Variants in ARHGAP17 observed in about 807,000 individuals in gnomAD.
ARHGAP17 encodes the protein rho GTPase-activating protein 17.
In ARHGAP17, 57 loss-of-function variants were observed where a neutral mutation model predicts 99.5. The ratio of observed to expected loss-of-function variants is 0.57; its 90% CI spans 0.46 to 0.71. The LOEUF (loss-of-function observed/expected upper bound fraction) is 0.71, where lower values mean the gene tolerates loss of function less well. ARHGAP17 is among the 30% of genes least tolerant of loss of function. ARHGAP17 has a pLI of 0.00. For synonymous variants in ARHGAP17, 417 were observed against 429.6 expected (o/e 0.97, Z 0.36); for missense variants, 1,000 against 1,122.4 (o/e 0.89, Z 1.56).
intron 1 of ARHGAP17, among the ~76,000 whole-genome samples, chr16:25,011,941 C>T (rs762569516): frequency 6.6e-6 from 1 of 152,140 alleles, no homozygotes; most frequent in Non-Finnish European, 1.5e-5. Context: ...CTCCCTCAAT[C>T]CAATGACAGC....
At chr16:24,981,016 A>C (rs2052659872) in intron 1 of ARHGAP17, among the ~76,000 whole-genome samples, 1 of 152,368 alleles carries the variant, frequency 6.6e-6, no homozygotes, top group East Asian at 1.9e-4. Context: ...TTTTTAAAAA[A>C]TAACAGAAGA....
chr16:24,942,241 G>C (rs528759335), intron 15 of ARHGAP17, 98 bp from the exon 16 acceptor site: 3 of 1,231,768 alleles, frequency 2.4e-6, no homozygotes, highest in Non-Finnish European at 3.4e-6. Flanking sequence ...TCGTTCTTCA[G>C]TCCACAGCCC....
At chr16:24,986,676 T>G (rs1597459133) in intron 1 of ARHGAP17, among the ~76,000 whole-genome samples, 1 of 152,242 alleles carries the variant, frequency 6.6e-6, no homozygotes, top group African/African-American at 2.4e-5. Context: ...CTCAAAATAT[T>G]TGTTATCCAG....
chr16:24,948,771 G>C lies in ARHGAP17; in HGVS notation c.1127+633C>G, dbSNP rs555815120. Among the ~76,000 whole-genome samples, 18 of 151,268 alleles carry C rather than the reference G, an allele frequency of 1.2e-4. No individual in the cohort carries two copies. The South Asian group carries it at 3.8e-3, about 32-fold the overall frequency. ...CTTAATGTCACTCAAAACCAAACAAGGAAAATTTTCTAGGGGCACTTTCTA... is the reference window on the plus strand; with the variant it reads ...CTTAATGTCACTCAAAACCAAACAACGAAAATTTTCTAGGGGCACTTTCTA... On this transcript the variant is annotated intron_variant, in intron 13 of 19. Coordinates refer to ENST00000289968, the MANE Select transcript of ARHGAP17 (RefSeq NM_001006634.3).
At position 24,927,889 on chromosome 16, in the gene ARHGAP17, C is replaced by T. The variant is rs188568299; in HGVS notation, c.2515+2895G>A. On this transcript the variant is annotated intron_variant, in intron 19 of 19. Transcript: ENST00000289968. ...GAGACTCAAAATGATGCCAGAATGC[C>T]GGCATCCTCCAGTGCTGGTGCTGAG... is the stretch of plus-strand genomic sequence containing the variant. Among the ~76,000 whole-genome samples the T allele has an allele frequency of 1.3e-3, 192 of 152,266 alleles. No homozygotes were observed. The South Asian group carries it at 0.025, about 19-fold the overall frequency.
intron 9 of ARHGAP17, among the ~76,000 whole-genome samples, chr16:24,958,194 G>A (rs1321362905): frequency 1.3e-5 from 2 of 152,054 alleles, no homozygotes; most frequent in Admixed American, 1.3e-4. Context: ...CAGAATGAGA[G>A]TTCTAGTCTA....
chr16:24,961,917 A>G (rs186916767), intron 7 of ARHGAP17, among the ~76,000 whole-genome samples: 150 of 146,352 alleles, frequency 1.0e-3, no homozygotes, highest in Non-Finnish European at 1.9e-3. Context: ...AATTTTATAT[A>G]TATATATATA....
intron 2 of ARHGAP17, among the ~76,000 whole-genome samples, chr16:24,977,697 G>T (rs553249381): frequency 6.6e-6 from 1 of 151,662 alleles, no homozygotes; most frequent in African/African-American, 2.4e-5. Context: ...TTCCTTATTG[G>T]GTTTGGGGTG....
chr16:24,971,040 T>C (rs929597691), intron 3 of ARHGAP17, among the ~76,000 whole-genome samples: 1 of 152,162 alleles, frequency 6.6e-6, no homozygotes, highest in Non-Finnish European at 1.5e-5. Context: ...CACGTCCAGC[T>C]AATTTTTGTA....
intron 1 of ARHGAP17, among the ~76,000 whole-genome samples, chr16:25,008,261 C>A (rs1198308288): frequency 6.6e-6 from 1 of 152,104 alleles, no homozygotes; most frequent in Non-Finnish European, 1.5e-5. Context: ...TATGCATAAT[C>A]TTCATGCATA....
chr16:24,975,801 A>G (rs2052496938), intron 3 of ARHGAP17, among the ~76,000 whole-genome samples: 1 of 152,214 alleles, frequency 6.6e-6, no homozygotes, highest in Non-Finnish European at 1.5e-5. Context: ...GCATGCTCAT[A>G]AGCTGGGGAC....
chr16:24,927,649 A>G, intron 19 of ARHGAP17: 1 of 1,138,054 alleles, frequency 8.8e-7, no homozygotes, highest in South Asian at 1.7e-5. Context: ...TCAAGTAGCA[A>G]AAATGCATTG....
chr16:24,968,262 T>G (rs946851126), intron 6 of ARHGAP17, 89 bp downstream of exon 6: 1 of 1,465,706 alleles, frequency 6.8e-7, no homozygotes, highest in Admixed American at 1.7e-5. Flanking sequence ...CACGAATTGG[T>G]GAGCACTTCC....
Position 24,959,727 on chromosome 16 carries a change from T to C in ARHGAP17, c.668A>G (p.His223Arg). The change falls in exon 9 of 20, where the codon CAT becomes CGT. Residue 223 changes from histidine (H) to arginine (R), a missense_variant. By Grantham distance (29) the His-to-Arg change is conservative. Coordinates refer to ENST00000289968, the MANE Select transcript of ARHGAP17 (RefSeq NM_001006634.3). ...VTLLEAQADY[H>R]RKALAVLEKT... ...TTCTAAGACTGCTAATGCTTTTCTA[T>C]GGTAATCTGCTTGGGCTTCTAATAA... 6.2e-7 allele frequency: 1 copy of C among 1,614,144 alleles called. No individual in the cohort carries two copies. Among genetic ancestry groups the C allele is most frequent in the Non-Finnish European group, 8.5e-7 (1 of 1,180,026 alleles).
At chr16:24,932,301 T>G (rs1466680784) in intron 18 of ARHGAP17, among the ~76,000 whole-genome samples, 1 of 152,162 alleles carries the variant, frequency 6.6e-6, no homozygotes, top group Non-Finnish European at 1.5e-5. Context: ...AAGTTTATTT[T>G]AAAAATTAAG....
At chr16:24,961,811 G>C (rs1313021695) in intron 7 of ARHGAP17, among the ~76,000 whole-genome samples, 1 of 150,746 alleles carries the variant, frequency 6.6e-6, no homozygotes, top group African/African-American at 2.4e-5. Flanking sequence ...TAGGATTACA[G>C]ATGTGAGCCA....
intron 12 of ARHGAP17, 33 bp downstream of exon 12, chr16:24,952,256 T>C (rs1443913431): frequency 6.5e-7 from 1 of 1,537,872 alleles, no homozygotes; most frequent in East Asian, 2.3e-5. Context: ...TCATTCCCTT[T>C]AACATTTACA....
intron 1 of ARHGAP17, among the ~76,000 whole-genome samples, chr16:24,998,371 G>A (rs969156585): frequency 6.6e-6 from 1 of 151,980 alleles, no homozygotes; most frequent in Non-Finnish European, 1.5e-5. Context: ...GCAAGGCAGC[G>A]CCCAGGACAG....
chr16:24,947,474 T>G lies in ARHGAP17; in HGVS notation c.1241+8A>C, dbSNP rs777411240. 10 of 1,607,148 alleles carry G rather than the reference T, an allele frequency of 6.2e-6. No homozygotes were observed. In the Admixed American group the frequency reaches 1.3e-4, roughly 21 times the overall value. On this transcript the variant is annotated splice_region_variant and intron_variant, in intron 14 of 19. Transcript: ENST00000289968. ...GAAATTCAAATGATACAGAGAAAGA[T>G]GACTTACCCTTCATTTCTGGCCCAT...
Sources: gnomAD v4.1 joint callset for allele counts (sites outside exome capture counted in the v4.1 genomes callset) on GRCh38, gnomAD v4.1.1 for gene constraint, MANE v1.5 for transcripts, NCBI Gene and HGNC (gene_info 2026-07-23, HGNC 2026-07-21) for gene names.